Variants in NFIB observed in about 807,000 individuals in gnomAD.
NFIB encodes nuclear factor I B.
In NFIB, 11 loss-of-function variants were observed where a neutral mutation model predicts 61.5. The observed-to-expected ratio is 0.18, with a 90% confidence interval of 0.11 to 0.30. The LOEUF (loss-of-function observed/expected upper bound fraction) is 0.30. Ranked by LOEUF, NFIB falls within the 10% of genes least tolerant of loss-of-function variation. The pLI is 1.00. For missense variants in NFIB, 471 were observed against 608.9 expected, an observed-to-expected ratio of 0.77 and a Z score of 2.38; for synonymous variants, 260 against 216.5, an observed-to-expected ratio of 1.20 and a Z score of -1.76.
intron 1 of NFIB, among the ~76,000 whole-genome samples, chr9:14,346,782 G>C (rs180672621): frequency 2.0e-5 from 3 of 152,170 alleles, no homozygotes; most frequent in Non-Finnish European, 4.4e-5. Flanking sequence ...GAACCTTGAG[G>C]GGGGGATCTT....
the NFIB span, among the ~76,000 whole-genome samples, chr9:14,426,056 T>A: frequency 6.6e-5 from 10 of 152,300 alleles, no homozygotes; most frequent in Non-Finnish European, 1.2e-4. Flanking sequence ...ACTCTGCCTT[T>A]TTTGGAAATG....
chr9:14,218,017 G>A (rs761802176), intron 2 of NFIB, among the ~76,000 whole-genome samples: 8 of 152,112 alleles, frequency 5.3e-5, no homozygotes, highest in Non-Finnish European at 1.0e-4. Flanking sequence ...TTCCATCCCA[G>A]GCTCAGTTTC....
intron 1 of NFIB, among the ~76,000 whole-genome samples, chr9:14,324,271 A>C (rs2060725981): frequency 6.6e-6 from 1 of 152,194 alleles, no homozygotes; most frequent in Non-Finnish European, 1.5e-5. Flanking sequence ...AGTAAATCAC[A>C]TTTAGTACTA....
At chr9:14,130,203 C>T (rs2040242203) in intron 6 of NFIB, among the ~76,000 whole-genome samples, 1 of 151,458 alleles carries the variant, frequency 6.6e-6, no homozygotes, top group Non-Finnish European at 1.5e-5. Flanking sequence ...ATCCTTCAAA[C>T]AGTATCTTTC....
chr9:14,114,938 T>C (rs2037902672), intron 9 of NFIB, among the ~76,000 whole-genome samples: 1 of 152,236 alleles, frequency 6.6e-6, no homozygotes, highest in Non-Finnish European at 1.5e-5. Context: ...TTGGTGACTG[T>C]AATGCACATA....
chr9:14,435,922 C>A, the NFIB span, among the ~76,000 whole-genome samples: 4 of 152,194 alleles, frequency 2.6e-5, no homozygotes, highest in Non-Finnish European at 4.4e-5. Flanking sequence ...AAATGCCACA[C>A]CCATTAGGTA....
At chr9:14,243,722 T>C (rs891937531) in intron 2 of NFIB, among the ~76,000 whole-genome samples, 11 of 152,118 alleles carry the variant, frequency 7.2e-5, no homozygotes, top group Admixed American at 5.9e-4. Context: ...TCCTAAGAAA[T>C]CCCAACCTCG....
intron 1 of NFIB, among the ~76,000 whole-genome samples, chr9:14,331,244 C>T (rs1452492098): frequency 6.6e-6 from 1 of 152,136 alleles, no homozygotes; most frequent in African/African-American, 2.4e-5. Flanking sequence ...GACTGAGTAA[C>T]CAATTGAAGG....
At chr9:14,501,220 G>C in the NFIB span, among the ~76,000 whole-genome samples, 916 of 152,218 alleles carry the variant, frequency 6.0e-3, 3 homozygotes, top group African/African-American at 0.019. Flanking sequence ...TGGTTCTTTA[G>C]AATCTGCCCT....
intron 1 of NFIB, among the ~76,000 whole-genome samples, chr9:14,397,088 C>A (rs1192157804): frequency 5.9e-5 from 9 of 152,052 alleles, no homozygotes; most frequent in Non-Finnish European, 1.0e-4. Flanking sequence ...GATTTATGTC[C>A]AATTCTCTCT....
intron 1 of NFIB, among the ~76,000 whole-genome samples, chr9:14,375,457 A>G (rs985682703): frequency 6.6e-5 from 10 of 152,282 alleles, no homozygotes; most frequent in East Asian, 3.9e-4. Context: ...GCAGTTCGAG[A>G]CCAGCCTGAC....
At chr9:14,398,675 T>C (rs946054054) in exon 1 of NFIB, 2 of 1,378,844 alleles carry the variant, frequency 1.5e-6, no homozygotes, top group Non-Finnish European at 2.0e-6. Flanking sequence ...GCTCTGCTTC[T>C]GCCATTTGCG....
the NFIB span, among the ~76,000 whole-genome samples, chr9:14,500,924 CCTT>C: frequency 6.6e-6 from 1 of 152,176 alleles, no homozygotes. Flanking sequence ...CGTTAAGTCT[CCTT>C]CTCAAAAGAA....
At chr9:14,160,913 C>A (rs544328346) in intron 3 of NFIB, among the ~76,000 whole-genome samples, 40 of 150,542 alleles carry the variant, frequency 2.7e-4, no homozygotes, top group Middle Eastern at 7.0e-3. Flanking sequence ...CCTTCTTACA[C>A]AGATGTTTTC....
the NFIB span, among the ~76,000 whole-genome samples, chr9:14,478,339 C>T: frequency 6.6e-6 from 1 of 152,096 alleles, no homozygotes; most frequent in Admixed American, 6.5e-5. Context: ...CCCTCACCTT[C>T]TCTCTCTCTC....
intron 2 of NFIB, among the ~76,000 whole-genome samples, chr9:14,226,517 C>CAACCTGGGCAACAGAGCAAGACCCT (rs1271624422): frequency 2.7e-5 from 4 of 147,828 alleles, no homozygotes; most frequent in African/African-American, 1.0e-4. Flanking sequence ...CACTGTACTC[C>CAACCTGGGCAACAGAGCAAGACCCT]AACCTGGGCA....
intron 2 of NFIB, among the ~76,000 whole-genome samples, chr9:14,304,932 A>T (rs992749778): frequency 5.2e-4 from 79 of 152,232 alleles, no homozygotes; most frequent in Non-Finnish European, 2.4e-4. Context: ...AAGAACCAAC[A>T]GATGTTAAGA....
chr9:14,194,075 A>C (rs780602098), intron 2 of NFIB, among the ~76,000 whole-genome samples: 5 of 152,198 alleles, frequency 3.3e-5, no homozygotes, highest in Non-Finnish European at 7.3e-5. Flanking sequence ...CTGAAAATAC[A>C]TGTTTATTAT....
intron 1 of NFIB, among the ~76,000 whole-genome samples, chr9:14,366,752 G>C (rs370552286): frequency 1.4e-4 from 22 of 152,162 alleles, no homozygotes; most frequent in African/African-American, 4.6e-4. Flanking sequence ...CCAAAGTGTT[G>C]GGATTACAGG....
Sources: gnomAD v4.1 joint callset for allele counts (sites outside exome capture counted in the v4.1 genomes callset) on GRCh38, gnomAD v4.1.1 for gene constraint, MANE v1.5 for transcripts, NCBI Gene and HGNC (gene_info 2026-07-23, HGNC 2026-07-21) for gene names.